Variants in SH2D3C observed in about 807,000 individuals in gnomAD.
SH2D3C encodes the protein SH2 domain containing 3C.
In SH2D3C, 25 loss-of-function variants were observed where a neutral mutation model predicts 75.2. The observed-to-expected ratio is 0.33, with a 90% CI of 0.24 to 0.46. SH2D3C has a LOEUF of 0.46. SH2D3C is among the 20% of genes least tolerant of loss of function. The probability of loss-of-function intolerance (pLI) is 1.00; values close to 1 mark genes in which losing one functional copy is unlikely to be tolerated. For missense variants in SH2D3C, 933 were observed against 1,165.3 expected, an observed-to-expected ratio of 0.80 and a Z score of 2.90; for synonymous variants, 450 against 473.7, an observed-to-expected ratio of 0.95 and a Z score of 0.65.
At chr9:127,756,799 C>G (rs577938546) in intron 3 of SH2D3C, among the ~76,000 whole-genome samples, 1 of 152,020 alleles carries the variant, frequency 6.6e-6, no homozygotes, top group South Asian at 2.1e-4. Flanking sequence ...GCGCCTGCCA[C>G]CATGCCCGCT....
chr9:127,740,187 G>T, intron 10 of SH2D3C, 71 bp downstream of exon 10: 1 of 1,270,776 alleles, frequency 7.9e-7, no homozygotes, highest in Non-Finnish European at 1.1e-6. Flanking sequence ...TGTCATCACT[G>T]TCCATGCTGG....
rs573769912 is a variant in SH2D3C at position 127,759,844 on chromosome 9, G to T, written c.555+1767C>A. Reference sequence around the variant, plus strand: ...TAAAAATATAAAAAATTAGCCCGGCGTGGTGGCAGGCACCTATAGTCCCAG... The same window carrying T: ...TAAAAATATAAAAAATTAGCCCGGCTTGGTGGCAGGCACCTATAGTCCCAG... On this transcript the variant is annotated intron_variant, in intron 3 of 11. Transcript: ENST00000314830. Among the ~76,000 whole-genome samples, 92 of 151,892 alleles carry T rather than the reference G, an allele frequency of 6.1e-4. 1 individual carries two copies. The highest frequency in any genetic ancestry group is 2.1e-3 in the African/African-American group (88 of 41,386).
intron 2 of SH2D3C, chr9:127,771,310 A>G (rs368475155): frequency 2.7e-6 from 4 of 1,475,488 alleles, no homozygotes; most frequent in African/African-American, 1.4e-5. Context: ...ACTGAGCTGC[A>G]GAGCTCAGTG....
chr9:127,743,887 G>A (rs1844940172), intron 7 of SH2D3C, among the ~76,000 whole-genome samples: 1 of 151,924 alleles, frequency 6.6e-6, no homozygotes, highest in East Asian at 1.9e-4. Context: ...GTGGCGGGGG[G>A]GCGGTGGGGG....
chr9:127,744,912 G>C lies in SH2D3C; in HGVS notation c.1452C>G (p.Leu484=). 6.2e-7 allele frequency: 1 copy of C among 1,605,642 alleles called. No homozygotes were observed. Among genetic ancestry groups the C allele is most frequent in the Non-Finnish European group, 8.5e-7 (1 of 1,174,450 alleles). ...CAGAGTCCGGGTCACTGTAGCTGCT[G>C]AGTGATGGTGACGGGGAGGCCTTGC... ...TLGKASPSPS[L]SSYSDPDSGH... Residue 484 remains leucine, a synonymous_variant, in exon 7 of 12, where the codon CTC becomes CTG. Transcript: ENST00000314830.
chr9:127,771,332 G>GGGC, intron 2 of SH2D3C: 2 of 1,406,980 alleles, frequency 1.4e-6, no homozygotes, highest in Non-Finnish European at 1.9e-6. Context: ...CGGACTCCGG[G>GGGC]GGCGGAGACT....
At position 127,774,008 on chromosome 9, in the gene SH2D3C, C is replaced by G; in HGVS notation, c.497G>C (p.Arg166Thr). Reference protein sequence around the residue: ...TGDVEEERPPRDVHSERAAGE... With the variant: ...TGDVEEERPPTDVHSERAAGE... ...CACCTACCTTTCTGAGTGCACGTCC[C>G]TGGGAGGTCTCTCCTCTTCTACGTC... Residue 166 changes from arginine (R) to threonine (T), a missense_variant, in exon 2 of 12, where the codon AGG becomes ACG. By Grantham distance (71) the Arg-to-Thr change is moderately conservative. Coordinates refer to ENST00000314830, the MANE Select transcript of SH2D3C (RefSeq NM_170600.3). This position sits in a 1 kb window ranked among gnomAD's most constrained non-coding sequence, Gnocchi z 4.3. The G allele has an allele frequency of 6.2e-7, 1 of 1,612,590 alleles. No homozygotes were observed. The highest frequency in any genetic ancestry group is 8.5e-7 in the Non-Finnish European group (1 of 1,178,698).
At chr9:127,761,219 T>TA in intron 3 of SH2D3C, among the ~76,000 whole-genome samples, 1 of 152,324 alleles carries the variant, frequency 6.6e-6, no homozygotes, top group Non-Finnish European at 1.5e-5. Flanking sequence ...TTATCTGTGA[T>TA]AAAGAACTGA....
In SH2D3C at chr9:127,749,605, G is replaced by C. The variant is rs1261330355; in HGVS notation, c.745C>G (p.Leu249Val). Reference sequence around the variant, plus strand: ...CGGCACGTGAGCACATAGTCGCCCAGGCTGGTGAGTGAGTCCCGGATGAGG... The same window carrying C: ...CGGCACGTGAGCACATAGTCGCCCACGCTGGTGAGTGAGTCCCGGATGAGG... ...DFLIRDSLTS[L>V]GDYVLTCRWR... The change falls in exon 5 of 12, where the codon CTG becomes GTG. Residue 249 changes from leucine to valine, a missense_variant. Physicochemically the swap from Leu to Val is conservative, Grantham distance 32. Transcript: ENST00000314830. This position sits in a 1 kb window ranked among gnomAD's most constrained non-coding sequence, Gnocchi z 5.9. The C allele has an allele frequency of 1.9e-6, 3 of 1,597,582 alleles. No individual in the cohort carries two copies. The African/African-American group carries it at 4.0e-5, about 21-fold the overall frequency.
At chr9:127,772,836 CT>C (rs564249856) in intron 2 of SH2D3C, among the ~76,000 whole-genome samples, 442 of 143,050 alleles carry the variant, frequency 3.1e-3, no homozygotes, top group Non-Finnish European at 2.6e-3. Context: ...ATAATTGAAT[CT>C]TTTTTTTTTT....
Position 127,749,119 on chromosome 9 carries a change from T to G in SH2D3C, c.1139+92A>C. On this transcript the variant is annotated intron_variant, in intron 5 of 11. Transcript: ENST00000314830. The surrounding 1 kb of genome is among the most constrained non-coding windows in gnomAD (Gnocchi z 5.9). ...GCACACAGAGGCTCCAGGAGAGTAA[T>G]TTCATCCCATTTCAGTGTACCTAGG... 2 of 951,572 alleles carry G rather than the reference T, an allele frequency of 2.1e-6. No individual in the cohort carries two copies. Among genetic ancestry groups the G allele is most frequent in the African/African-American group, 1.6e-5 (1 of 61,238 alleles). 58.9% of individuals were successfully genotyped at this position (951,572 alleles called of 1,614,324 possible).
intron 2 of SH2D3C, among the ~76,000 whole-genome samples, chr9:127,771,007 G>GGTT: frequency 6.6e-6 from 1 of 152,198 alleles, no homozygotes; most frequent in Non-Finnish European, 1.5e-5. Flanking sequence ...GTTGTGTAGA[G>GGTT]TAGATAAGCA....
intron 8 of SH2D3C, among the ~76,000 whole-genome samples, chr9:127,742,398 T>C (rs1048679797): frequency 1.3e-5 from 2 of 152,144 alleles, no homozygotes; most frequent in Non-Finnish European, 1.5e-5. Flanking sequence ...CACCACGCCC[T>C]GCTAATTTTT....
At chr9:127,742,778 C>G (rs1414085068) in intron 8 of SH2D3C, 71 bp downstream of exon 8, 13 of 1,233,136 alleles carry the variant, frequency 1.1e-5, no homozygotes, top group Non-Finnish European at 1.5e-5. Context: ...ATTGGCCAAC[C>G]CGCCCCGTCC....
rs373978580 is a variant in SH2D3C, at chr9:127,778,641, G to A, written c.-14C>T. 5.6e-6 allele frequency: 9 copies of A among 1,613,536 alleles called. No homozygotes were observed. The highest frequency in any genetic ancestry group is 8.5e-7 in the Non-Finnish European group (1 of 1,179,466). ...CCCCTCTGTCATCTTGGCAAATTGT[G>A]TGAAGCCCTTGGCCAGCTTGCGAGT... is the stretch of plus-strand genomic sequence containing the variant. On this transcript the variant is annotated 5_prime_UTR_variant, in exon 1 of 12. Coordinates refer to ENST00000314830, the MANE Select transcript of SH2D3C (RefSeq NM_170600.3).
At position 127,754,183 on chromosome 9, in the gene SH2D3C, C is replaced by T. The variant is rs1845285124; in HGVS notation, c.556-2883G>A. ...TGCTATTGGCCAGAGATGATCTCAC[C>T]GCCTCCCGGCCTGCGCGCGCCTGAT... is the stretch of plus-strand genomic sequence containing the variant. On this transcript the variant is annotated intron_variant, in intron 3 of 11. Transcript: ENST00000314830. The surrounding 1 kb of genome is among the most constrained non-coding windows in gnomAD (Gnocchi z 4.4). Among the ~76,000 whole-genome samples the T allele has an allele frequency of 6.6e-6, 1 of 152,202 alleles. No homozygotes were observed. Among genetic ancestry groups the T allele is most frequent in the Admixed American group, 6.5e-5 (1 of 15,290 alleles).
chr9:127,744,446 A>G, intron 7 of SH2D3C, 118 bp downstream of exon 7: 6 of 1,274,390 alleles, frequency 4.7e-6, no homozygotes, highest in Non-Finnish European at 6.5e-6. Flanking sequence ...AAGGACAGCC[A>G]TGGAGCTAGA....
rs1845320764 is a variant in SH2D3C, at chr9:127,754,909, AGGTGAGGC to A, written c.556-3617_556-3610del. 8 of 515,026 alleles carry A rather than the reference AGGTGAGGC, an allele frequency of 1.6e-5. No homozygotes were observed. The highest frequency in any genetic ancestry group is 1.2e-4 in the South Asian group (8 of 64,570). 31.9% of individuals were successfully genotyped at this position (515,026 alleles called of 1,614,324 possible). On this transcript the variant is annotated intron_variant, in intron 3 of 11. Coordinates refer to ENST00000314830, the MANE Select transcript of SH2D3C (RefSeq NM_170600.3). The surrounding 1 kb of genome is among the most constrained non-coding windows in gnomAD (Gnocchi z 4.4). Reference sequence around the variant, plus strand: ...CCCCGCGGAGCGCCTGGGCGCCCAGAGGTGAGGCTGGGGTGACCCCGCCCCCTCCCCGG... The same window carrying A: ...CCCCGCGGAGCGCCTGGGCGCCCAGATGGGGTGACCCCGCCCCCTCCCCGG...
chr9:127,752,327 CAGCACTCCAG>C (rs1020251546), intron 3 of SH2D3C, among the ~76,000 whole-genome samples: 6 of 152,148 alleles, frequency 3.9e-5, no homozygotes, highest in African/African-American at 1.4e-4. Context: ...TGAAAAGAGA[CAGCACTCCAG>C]AGTACTACTA....
Sources: allele counts gnomAD v4.1 joint callset (sites outside exome capture counted in the v4.1 genomes callset), GRCh38; gene constraint gnomAD v4.1.1; non-coding constraint Gnocchi (gnomAD v3.1); transcripts MANE v1.5; gene names NCBI Gene and HGNC (gene_info 2026-07-23, HGNC 2026-07-21).